The following ANKRD17 variants were observed in gnomAD, a reference collection of about 807,000 sequenced individuals.
The protein encoded by ANKRD17 is ankyrin repeat domain 17, also known as ankyrin repeat domain-containing protein 17.
A neutral mutation model predicts 229.7 loss-of-function variants in ANKRD17; 19 were observed. The ratio of observed to expected loss-of-function variants is 0.08; its 90% CI spans 0.06 to 0.12. The LOEUF is 0.12. ANKRD17 is among the 10% of genes least tolerant of loss of function. The pLI is 1.00. For synonymous variants in ANKRD17, 1,112 were observed against 1,146.1 expected (o/e 0.97, Z 0.60); for missense variants, 2,176 against 3,176.8 (o/e 0.68, Z 7.57).
chr4:73,249,981 G>C (rs1744841146), intron 1 of ANKRD17, among the ~76,000 whole-genome samples: 1 of 152,110 alleles, frequency 6.6e-6, no homozygotes, highest in Non-Finnish European at 1.5e-5. Flanking sequence ...TCCCTCTCTA[G>C]ACCTCGTTTT....
At chr4:73,086,208 T>C (rs1722106513) in intron 29 of ANKRD17, among the ~76,000 whole-genome samples, 1 of 152,186 alleles carries the variant, frequency 6.6e-6, no homozygotes, top group South Asian at 2.1e-4. Flanking sequence ...TTATTGATCA[T>C]AAAATTAATG....
chr4:73,106,845 C>T (rs1207589468), intron 24 of ANKRD17, among the ~76,000 whole-genome samples: 3 of 149,408 alleles, frequency 2.0e-5, no homozygotes, highest in African/African-American at 5.0e-5. Context: ...CGCCATGGCC[C>T]TCCAGCCTGG....
intron 18 of ANKRD17, among the ~76,000 whole-genome samples, chr4:73,122,025 T>C (rs977744377): frequency 1.3e-5 from 2 of 152,156 alleles, no homozygotes; most frequent in African/African-American, 4.8e-5. Flanking sequence ...TTTTGTGACA[T>C]GCTTTGGAAA....
chr4:73,242,014 T>A (rs980104061), intron 1 of ANKRD17, among the ~76,000 whole-genome samples: 3 of 152,154 alleles, frequency 2.0e-5, no homozygotes, highest in Admixed American at 6.5e-5. Context: ...TACCCTAAAT[T>A]GATAAAAGAT....
At chr4:73,249,755 C>T (rs1214162953) in intron 1 of ANKRD17, among the ~76,000 whole-genome samples, 2 of 152,210 alleles carry the variant, frequency 1.3e-5, no homozygotes, top group African/African-American at 4.8e-5. Flanking sequence ...ACCTGGGAGG[C>T]TGAGGCAGAA....
chr4:73,164,843 C>T (rs539126809), intron 2 of ANKRD17, among the ~76,000 whole-genome samples: 100 of 150,494 alleles, frequency 6.6e-4, no homozygotes, highest in African/African-American at 2.2e-3. Context: ...TCCAAATGCT[C>T]TCATTTAATC....
intron 18 of ANKRD17, among the ~76,000 whole-genome samples, chr4:73,122,224 A>G (rs928939308): frequency 1.3e-5 from 2 of 152,066 alleles, no homozygotes; most frequent in Non-Finnish European, 2.9e-5. Flanking sequence ...ACATTAAAAA[A>G]CCTTATATAC....
intron 1 of ANKRD17, among the ~76,000 whole-genome samples, chr4:73,249,522 A>AAAT (rs1744794735): frequency 6.6e-6 from 1 of 152,240 alleles, no homozygotes; most frequent in Admixed American, 6.5e-5. Context: ...TCTACCTTAT[A>AAAT]AGTCAGTTTG....
At chr4:73,102,004 C>T (rs778432226) in intron 25 of ANKRD17, among the ~76,000 whole-genome samples, 29 of 152,078 alleles carry the variant, frequency 1.9e-4, no homozygotes, top group Non-Finnish European at 4.3e-4. Flanking sequence ...CAGATCATGG[C>T]TCATGACAGT....
intron 1 of ANKRD17, among the ~76,000 whole-genome samples, chr4:73,254,779 AAAAG>A (rs1185896261): frequency 1.2e-4 from 18 of 152,212 alleles, no homozygotes; most frequent in African/African-American, 4.3e-4. Flanking sequence ...CAAAAAAAAA[AAAAG>A]AAAGAAAAAA....
chr4:73,217,986 T>C (rs921546278), intron 1 of ANKRD17, among the ~76,000 whole-genome samples: 1 of 152,160 alleles, frequency 6.6e-6, no homozygotes, highest in African/African-American at 2.4e-5. Flanking sequence ...TATGAGTATG[T>C]GTGTGTATGT....
intron 10 of ANKRD17, 77 bp downstream of exon 10, chr4:73,146,687 T>A: frequency 4.8e-6 from 5 of 1,051,726 alleles, no homozygotes; most frequent in Middle Eastern, 2.4e-4. Flanking sequence ...AAGAAATACC[T>A]TTTGTCTAGA....
chr4:73,174,362 A>G lies in ANKRD17; in HGVS notation c.547+3018T>C, dbSNP rs566612417. The stretch of plus-strand genomic sequence containing the variant: ...TGATCATCTCAATGATGCAGAAAAA[A>G]CATTTGATGAAATCCAGCCATCCCT... On this transcript the variant is annotated intron_variant, in intron 2 of 33. Transcript: ENST00000358602. Among the ~76,000 whole-genome samples, 83 of 152,310 alleles carry G rather than the reference A, an allele frequency of 5.4e-4. 1 individual carries two copies. The South Asian group carries it at 0.016, about 29-fold the overall frequency.
At chr4:73,086,918 AAATATATATATATATATATATAT>A (rs1722214815) in intron 29 of ANKRD17, among the ~76,000 whole-genome samples, 1 of 40,924 alleles carries the variant, frequency 2.4e-5, no homozygotes, top group African/African-American at 9.6e-5. Context: ...AAAAAAAAAA[AAATATATATATATATATATATAT>A]ATATATATAT....
Position 73,142,250 on chromosome 4 carries a change from A to G in ANKRD17, c.2221T>C (p.Leu741=). The part of the protein sequence containing the change: ...VTQLTPPSHD[L]NRAPRVPVQA... Reference sequence around the variant, plus strand: ...AATTTTTAAAATCTTACCCTATTTAAATCGTGGGATGGGGGAGTTAACTGA... The same window carrying G: ...AATTTTTAAAATCTTACCCTATTTAGATCGTGGGATGGGGGAGTTAACTGA... The change falls in exon 13 of 34, where the codon TTA becomes CTA. Residue 741 remains leucine, a synonymous_variant. Transcript: ENST00000358602. The G allele has an allele frequency of 1.3e-6, 2 of 1,547,072 alleles. No individual in the cohort carries two copies. The highest frequency in any genetic ancestry group is 2.5e-5 in the South Asian group (2 of 79,428).
chr4:73,231,685 G>C (rs79207457), intron 1 of ANKRD17, among the ~76,000 whole-genome samples: 70 of 152,254 alleles, frequency 4.6e-4, no homozygotes, highest in African/African-American at 1.6e-3. Flanking sequence ...TTTGACTGAA[G>C]ACTGACAGGC....
Position 73,135,180 on chromosome 4 carries a change from T to C in ANKRD17, c.3171A>G (p.Pro1057=). 1.2e-6 allele frequency: 2 copies of C among 1,613,738 alleles called. No homozygotes were observed. Among genetic ancestry groups the C allele is most frequent in the South Asian group, 1.1e-5 (1 of 91,068 alleles). ...TGGCTGAAGGAGAGATGATAGGACT[T>C]GGAGTTGGAGTCTGAGGTTGGGAAA... ...ASISQPQTPT[P]SPIISPSAML... is the part of the protein sequence containing the mutation. Residue 1057 remains proline, a synonymous_variant, in exon 16 of 34, where the codon CCA becomes CCG. Transcript: ENST00000358602.
intron 24 of ANKRD17, among the ~76,000 whole-genome samples, chr4:73,111,241 A>C (rs932249210): frequency 1.3e-5 from 2 of 152,200 alleles, no homozygotes; most frequent in African/African-American, 4.8e-5. Flanking sequence ...AATAAAATAG[A>C]ACAATTATAA....
rs1370726206 is a variant in ANKRD17 at position 73,234,649 on chromosome 4, T to C, written c.393+23627A>G. Among the ~76,000 whole-genome samples the C allele has an allele frequency of 3.3e-5, 5 of 152,180 alleles. No homozygotes were observed. The East Asian group carries it at 5.8e-4, about 18-fold the overall frequency. Reference sequence around the variant, plus strand: ...AAAGGTACCTGGATAGGAAGTCAAGTTGGCTGGGAACAGACAAAACTGTTT... The same window carrying C: ...AAAGGTACCTGGATAGGAAGTCAAGCTGGCTGGGAACAGACAAAACTGTTT... On this transcript the variant is annotated intron_variant, in intron 1 of 33. Coordinates refer to ENST00000358602, the MANE Select transcript of ANKRD17 (RefSeq NM_032217.5).
Sources: allele counts gnomAD v4.1 joint callset (sites outside exome capture counted in the v4.1 genomes callset), GRCh38; gene constraint gnomAD v4.1.1; transcripts MANE v1.5; gene names NCBI Gene and HGNC (gene_info 2026-07-23, HGNC 2026-07-21).